The following CCDC91 variants were observed in gnomAD, a reference collection of about 807,000 sequenced individuals.
The protein encoded by CCDC91 is coiled-coil domain-containing protein 91.
CCDC91 carries 48 observed loss-of-function variants against 63.2 expected under a neutral mutation model. The observed-to-expected ratio is 0.76, with a 90% confidence interval of 0.60 to 0.97. The LOEUF (loss-of-function observed/expected upper bound fraction) is 0.97. Ranked by LOEUF, CCDC91 falls within the 50% of genes least tolerant of loss-of-function variation. The probability of loss-of-function intolerance (pLI) is 0.00; values close to 1 mark genes in which losing one functional copy is unlikely to be tolerated. For synonymous variants in CCDC91, 167 were observed against 165.8 expected (o/e 1.01, Z -0.06); for missense variants, 500 against 494.6 (o/e 1.01, Z -0.10).
At chr12:28,427,912 G>A (rs1055210125) in intron 8 of CCDC91, among the ~76,000 whole-genome samples, 1 of 152,074 alleles carries the variant, frequency 6.6e-6, no homozygotes, top group Non-Finnish European at 1.5e-5. Flanking sequence ...CCTTTTCTTA[G>A]ATTAAAAGCT....
chr12:28,278,751 G>C (rs1261369764), intron 3 of CCDC91, among the ~76,000 whole-genome samples: 1 of 152,014 alleles, frequency 6.6e-6, no homozygotes, highest in African/African-American at 2.4e-5. Flanking sequence ...TCTTTGCCTG[G>C]AAAGTCCTAG....
chr12:28,475,980 G>A (rs1313663017), intron 11 of CCDC91, among the ~76,000 whole-genome samples: 1 of 151,826 alleles, frequency 6.6e-6, no homozygotes, highest in Non-Finnish European at 1.5e-5. Context: ...GCTTGTTACA[G>A]ACACTAAAAT....
intron 12 of CCDC91, among the ~76,000 whole-genome samples, chr12:28,494,133 C>T (rs1423874801): frequency 2.0e-5 from 3 of 151,632 alleles, no homozygotes; most frequent in Non-Finnish European, 4.4e-5. Context: ...GAGATTTCTG[C>T]TGGGATTCCT....
At chr12:28,227,535 A>T (rs1480803923) in intron 1 of CCDC91, among the ~76,000 whole-genome samples, 2 of 151,968 alleles carry the variant, frequency 1.3e-5, no homozygotes, top group Non-Finnish European at 2.9e-5. Flanking sequence ...ATGTGTCCAT[A>T]TTGTCTAAGC....
chr12:28,384,076 G>T (rs1315324757), intron 7 of CCDC91, among the ~76,000 whole-genome samples: 1 of 152,044 alleles, frequency 6.6e-6, no homozygotes, highest in African/African-American at 2.4e-5. Flanking sequence ...AGCATTCAGG[G>T]CCAAATCTAG....
intron 12 of CCDC91, among the ~76,000 whole-genome samples, chr12:28,512,994 A>G (rs1259505794): frequency 6.6e-6 from 1 of 151,746 alleles, no homozygotes; most frequent in Non-Finnish European, 1.5e-5. Flanking sequence ...GATATTCAAA[A>G]CTGTTAGCAA....
intron 1 of CCDC91, among the ~76,000 whole-genome samples, chr12:28,232,616 G>A (rs1222324637): frequency 6.6e-6 from 1 of 152,128 alleles, no homozygotes; most frequent in Non-Finnish European, 1.5e-5. Context: ...AAACAGGGAT[G>A]AACTTAGAGA....
chr12:28,548,393 C>G (rs769828940), intron 12 of CCDC91, among the ~76,000 whole-genome samples: 5 of 152,046 alleles, frequency 3.3e-5, no homozygotes, highest in Non-Finnish European at 7.4e-5. Flanking sequence ...CCTCAACCTC[C>G]TAAGTAGCTG....
chr12:28,369,551 G>A (rs1364474704), intron 7 of CCDC91, among the ~76,000 whole-genome samples: 3 of 152,098 alleles, frequency 2.0e-5, no homozygotes, highest in African/African-American at 7.2e-5. Context: ...TACCATTCTG[G>A]GGTCTCAAAG....
chr12:28,342,348 C>T (rs11049544), intron 6 of CCDC91, among the ~76,000 whole-genome samples: 30,778 of 151,888 alleles, frequency 0.2, 4,089 homozygotes, highest in Non-Finnish European at 0.3. Context: ...TTTAAGCCAC[C>T]GAGTTTATAG....
rs1314854540 is a variant in CCDC91 at position 28,387,914 on chromosome 12, T to G, written c.655-3390T>G. 3.3e-5 allele frequency among the ~76,000 whole-genome samples: 5 copies of G among 152,210 alleles called. No individual in the cohort carries two copies. In the East Asian group the frequency reaches 9.6e-4, roughly 29 times the overall value. ...CTGGGTACATACCCAGTAGTGGTAT[T>G]GCTGGATCAGATGGTATTTCCACTT... is the stretch of plus-strand genomic sequence containing the variant. On this transcript the variant is annotated intron_variant, in intron 7 of 12. Transcript: ENST00000536442.
chr12:28,336,349 A>G (rs1025099082), intron 6 of CCDC91, among the ~76,000 whole-genome samples: 4 of 152,174 alleles, frequency 2.6e-5, no homozygotes, highest in African/African-American at 9.7e-5. Context: ...ACGTATCCGT[A>G]TTATTTTAAG....
chr12:28,455,368 C>A (rs1279657884), intron 11 of CCDC91, among the ~76,000 whole-genome samples: 2 of 152,054 alleles, frequency 1.3e-5, no homozygotes, highest in Non-Finnish European at 2.9e-5. Context: ...AGTTTCGTTG[C>A]AAGACTAGAA....
intron 1 of CCDC91, among the ~76,000 whole-genome samples, chr12:28,254,260 G>T (rs1946299427): frequency 2.0e-5 from 3 of 152,144 alleles, no homozygotes; most frequent in Admixed American, 2.0e-4. Flanking sequence ...TTATAATGAA[G>T]TATACACCTG....
intron 8 of CCDC91, among the ~76,000 whole-genome samples, chr12:28,440,541 C>T (rs1311952507): frequency 2.0e-5 from 3 of 151,934 alleles, no homozygotes; most frequent in Non-Finnish European, 2.9e-5. Context: ...GTGGTACACA[C>T]AAAGCAATAG....
Position 28,347,930 on chromosome 12 carries a change from T to C in CCDC91, c.577-14508T>C, listed in dbSNP as rs564342029. Among the ~76,000 whole-genome samples the C allele has an allele frequency of 7.9e-5, 12 of 152,334 alleles. No individual in the cohort carries two copies. In the South Asian group the frequency reaches 2.3e-3, roughly 29 times the overall value. ...GGGGACACTCCTTTAGTCCCACTTA[T>C]GTTAAGTGTGAGCACACACTTGTGA... On this transcript the variant is annotated intron_variant, in intron 6 of 12. Transcript: ENST00000536442.
chr12:28,322,904 A>T (rs942772720), intron 6 of CCDC91, among the ~76,000 whole-genome samples: 18 of 151,440 alleles, frequency 1.2e-4, no homozygotes, highest in Non-Finnish European at 2.4e-4. Flanking sequence ...ATAACTTTTG[A>T]TATTTTAATT....
rs146397753 is a variant in CCDC91, at chr12:28,288,717, C to T, written c.110-16932C>T. 1.6e-3 allele frequency among the ~76,000 whole-genome samples: 243 copies of T among 152,242 alleles called. No individual in the cohort carries two copies. In the Middle Eastern group the frequency reaches 0.024, roughly 15 times the overall value. On this transcript the variant is annotated intron_variant, in intron 3 of 12. Coordinates refer to ENST00000536442, the MANE Select transcript of CCDC91 (RefSeq NM_018318.5). ...CTCATAGAATGAATTAGGGTGAAGT[C>T]CCTCTTCCTCAGTTTCTTGGAATAG...
chr12:28,383,025 T>C lies in CCDC91; in HGVS notation c.655-8279T>C, dbSNP rs1402091312. Among the ~76,000 whole-genome samples the C allele has an allele frequency of 2.0e-5, 3 of 152,148 alleles. No individual in the cohort carries two copies. The East Asian group carries it at 5.8e-4, about 29-fold the overall frequency. On this transcript the variant is annotated intron_variant, in intron 7 of 12. Transcript: ENST00000536442. ...AGAGTCTCTGTGCTGTACTTAATTT[T>C]AGAAACTTCTTAATTTTAATGTGTT...
Sources: allele counts gnomAD v4.1 joint callset (sites outside exome capture counted in the v4.1 genomes callset), GRCh38; gene constraint gnomAD v4.1.1; transcripts MANE v1.5; gene names NCBI Gene and HGNC (gene_info 2026-07-23, HGNC 2026-07-21).